UCHL5: variants seen among roughly 807,000 people sequenced by gnomAD.
UCHL5 encodes the protein ubiquitin C-terminal hydrolase L5, also known as ubiquitin carboxyl-terminal hydrolase isozyme L5.
Under a neutral mutation model 53.8 loss-of-function variants are expected in UCHL5, and 34 were observed. That is an observed-to-expected ratio of 0.63 (90% CI 0.48 to 0.84). UCHL5 has a LOEUF of 0.84. Ranked by LOEUF, UCHL5 falls within the 40% of genes least tolerant of loss-of-function variation. The pLI is 0.00. For missense variants in UCHL5, 290 were observed against 385.6 expected, an observed-to-expected ratio of 0.75 and a Z score of 2.08; for synonymous variants, 111 against 126.3, an observed-to-expected ratio of 0.88 and a Z score of 0.81.
chr1:193,036,934 A>T (rs1169951903), intron 3 of UCHL5, among the ~76,000 whole-genome samples: 1 of 152,102 alleles, frequency 6.6e-6, no homozygotes, highest in African/African-American at 2.4e-5. Flanking sequence ...TAAGAAAAAA[A>T]TTTAAAATGC....
chr1:193,029,929 C>T (rs1660747534), intron 3 of UCHL5, among the ~76,000 whole-genome samples: 1 of 152,156 alleles, frequency 6.6e-6, no homozygotes, highest in South Asian at 2.1e-4. Context: ...GATCAATCAT[C>T]CTGATGGAAA....
At position 193,016,507 on chromosome 1, in the gene UCHL5, T is replaced by C; in HGVS notation, c.943-112A>G. 12 of 913,654 alleles carry C rather than the reference T, an allele frequency of 1.3e-5. No homozygotes were observed. In the South Asian group the frequency reaches 2.1e-4, roughly 16 times the overall value. The allele number at this position is 913,654 out of a possible 1,614,324, so 56.6% of individuals were successfully genotyped here. ...AAGCTGAAAGGCTTGAAATACATTGTTTATAAGACTTCTAAAGCATTATGT... is the reference window on the plus strand; with the variant it reads ...AAGCTGAAAGGCTTGAAATACATTGCTTATAAGACTTCTAAAGCATTATGT... On this transcript the variant is annotated intron_variant, in intron 10 of 10. Coordinates refer to ENST00000367454, the MANE Select transcript of UCHL5 (RefSeq NM_001199261.3).
chr1:193,059,934 G>C, upstream of UCHL5: 1 of 1,366,314 alleles, frequency 7.3e-7, no homozygotes, highest in Non-Finnish European at 9.8e-7. The surrounding 1 kb of genome is among the most constrained non-coding windows in gnomAD (Gnocchi z 4.9). Flanking sequence ...TTCCGCGCCT[G>C]TCCACCCTGG....
upstream of UCHL5, chr1:193,059,818 G>A (rs924296390): frequency 2.2e-6 from 3 of 1,357,148 alleles, no homozygotes; most frequent in Non-Finnish European, 2.9e-6. The surrounding 1 kb of genome is among the most constrained non-coding windows in gnomAD (Gnocchi z 4.9). Flanking sequence ...CTTTTGTGCG[G>A]CCCCAGGGAC....
intron 10 of UCHL5, chr1:193,018,538 C>T: frequency 8.7e-7 from 1 of 1,146,412 alleles, no homozygotes; most frequent in Non-Finnish European, 1.1e-6. Flanking sequence ...TCAACGAATT[C>T]ATCGGTTAAA....
upstream of UCHL5, chr1:193,059,940 C>T (rs781328722): frequency 1.5e-6 from 2 of 1,366,418 alleles, no homozygotes; most frequent in Non-Finnish European, 2.0e-6. This position sits in a 1 kb window ranked among gnomAD's most constrained non-coding sequence, Gnocchi z 4.9. Flanking sequence ...GCCTGTCCAC[C>T]CTGGGTAACG....
intron 1 of UCHL5, chr1:193,057,246 A>T (rs1670908921): frequency 6.5e-6 from 1 of 153,432 alleles, no homozygotes; most frequent in Non-Finnish European, 1.5e-5. Context: ...TTTTTCCCCA[A>T]CTTTTAGTAA....
intron 6 of UCHL5, among the ~76,000 whole-genome samples, chr1:193,028,400 G>A (rs866420234): frequency 6.6e-6 from 1 of 151,900 alleles, no homozygotes; most frequent in African/African-American, 2.4e-5. Flanking sequence ...TCTACGCATG[G>A]GGCATGGCAA....
Position 193,013,107 on chromosome 1 carries a change from T to C in UCHL5, c.*3244A>G, listed in dbSNP as rs528581502. 1 of 152,344 alleles carries C rather than the reference T, an allele frequency of 6.6e-6. No homozygotes were observed. Among genetic ancestry groups the C allele is most frequent in the South Asian group, 2.1e-4 (1 of 4,830 alleles). The allele number at this position is 152,344 out of a possible 1,614,324, so 9.4% of individuals were successfully genotyped here. On this transcript the variant is annotated 3_prime_UTR_variant, in exon 11 of 11. Coordinates refer to ENST00000367454, the MANE Select transcript of UCHL5 (RefSeq NM_001199261.3). ...ATTTAGGCATAGAAGGTTTAACTTT[T>C]CTGCATTCCAGTGCACAGTCATTAA...
At chr1:193,023,125 T>G in intron 8 of UCHL5, 89 bp from the exon 9 acceptor site, 1 of 1,009,016 alleles carries the variant, frequency 9.9e-7, no homozygotes, top group Non-Finnish European at 1.5e-6. Context: ...AGTATGATTA[T>G]TTTCAAATTT....
chr1:193,050,152 C>CA (rs1180227428), intron 2 of UCHL5, among the ~76,000 whole-genome samples: 2 of 152,012 alleles, frequency 1.3e-5, no homozygotes, highest in Non-Finnish European at 2.9e-5. Flanking sequence ...ATAGTAAAAC[C>CA]AGAAGCTGGC....
chr1:193,017,558 A>T (rs1655294496), intron 10 of UCHL5, among the ~76,000 whole-genome samples: 1 of 151,640 alleles, frequency 6.6e-6, no homozygotes, highest in Admixed American at 6.6e-5. Context: ...TCTGTCCTCA[A>T]ATAATAAATA....
chr1:193,041,969 T>TA (rs1665723199), intron 3 of UCHL5, among the ~76,000 whole-genome samples: 1 of 151,640 alleles, frequency 6.6e-6, no homozygotes, highest in Admixed American at 6.6e-5. Flanking sequence ...ACCAAAAATA[T>TA]AAAAAATTAG....
chr1:193,018,296 T>C (rs1474125674), intron 10 of UCHL5: 1 of 176,684 alleles, frequency 5.7e-6, no homozygotes, highest in African/African-American at 2.4e-5. Context: ...CGTTAAGTTA[T>C]TGGTAGTTAA....
At chr1:193,018,938 T>G (rs1029059232) in intron 10 of UCHL5, 1 of 674,470 alleles carries the variant, frequency 1.5e-6, no homozygotes, top group Non-Finnish European at 2.2e-6. Flanking sequence ...AAAGATTTTA[T>G]ATAATTATAA....
Position 193,012,558 on chromosome 1 carries a change from C to T in UCHL5, c.*3793G>A, listed in dbSNP as rs1165616890. 4 of 152,058 alleles carry T rather than the reference C, an allele frequency of 2.6e-5. No individual in the cohort carries two copies. The highest frequency in any genetic ancestry group is 2.1e-4 in the South Asian group (1 of 4,820). The allele number at this position is 152,058 out of a possible 1,614,324, so 9.4% of individuals were successfully genotyped here. ...GTACTAGAGAAGTTCTGCCTATATG[C>T]CTATATGCAATCCACTTGTACAGTG... On this transcript the variant is annotated 3_prime_UTR_variant, in exon 11 of 11. Transcript: ENST00000367454.
chr1:193,033,260 A>G (rs1662141307), intron 3 of UCHL5, among the ~76,000 whole-genome samples: 2 of 152,182 alleles, frequency 1.3e-5, no homozygotes, highest in Non-Finnish European at 2.9e-5. Context: ...CATCATTCTC[A>G]GCAAACTAAC....
chr1:193,047,627 T>G (rs1408101873), intron 3 of UCHL5, among the ~76,000 whole-genome samples: 4 of 152,194 alleles, frequency 2.6e-5, no homozygotes, highest in Non-Finnish European at 4.4e-5. Flanking sequence ...CAGACTATTC[T>G]AAGCAAGTTT....
At chr1:193,034,237 A>G (rs770257521) in intron 3 of UCHL5, among the ~76,000 whole-genome samples, 1 of 152,098 alleles carries the variant, frequency 6.6e-6, no homozygotes, top group Non-Finnish European at 1.5e-5. Context: ...ACTATCACAC[A>G]AACATGCAAG....
Sources: gnomAD v4.1 joint callset for allele counts (sites outside exome capture counted in the v4.1 genomes callset) on GRCh38, gnomAD v4.1.1 for gene constraint, Gnocchi (gnomAD v3.1) non-coding constraint, MANE v1.5 for transcripts, NCBI Gene and HGNC (gene_info 2026-07-23, HGNC 2026-07-21) for gene names.